The following METTL24 variants were observed in gnomAD, a reference collection of about 807,000 sequenced individuals.
METTL24 encodes probable methyltransferase-like protein 24.
A neutral mutation model predicts 32.7 loss-of-function variants in METTL24; 29 were observed. The ratio of observed to expected loss-of-function variants is 0.89; its 90% CI spans 0.66 to 1.21. The LOEUF (loss-of-function observed/expected upper bound fraction) is 1.21, where lower values mean the gene tolerates loss of function less well. Among genes scored for constraint, METTL24 ranks in the 50% most tolerant of loss-of-function variants. The pLI is 0.00. For synonymous variants in METTL24, 163 were observed against 179.5 expected, an observed-to-expected ratio of 0.91 and a Z score of 0.73; for missense variants, 439 against 468.1, an observed-to-expected ratio of 0.94 and a Z score of 0.57.
chr6:110,351,895 T>C (rs1189360559), intron 1 of METTL24, among the ~76,000 whole-genome samples: 1 of 152,244 alleles, frequency 6.6e-6, no homozygotes, highest in African/African-American at 2.4e-5. Flanking sequence ...TGGCAGTCAT[T>C]AACTCTTCCT....
chr6:110,270,772 C>A (rs1442389518), intron 4 of METTL24, among the ~76,000 whole-genome samples: 1 of 150,812 alleles, frequency 6.6e-6, no homozygotes, highest in Non-Finnish European at 1.5e-5. Context: ...TTAAAAGAGA[C>A]AAATGAGTTC....
intron 4 of METTL24, among the ~76,000 whole-genome samples, chr6:110,295,124 T>C (rs554215977): frequency 4.9e-4 from 73 of 147,782 alleles, no homozygotes; most frequent in African/African-American, 1.8e-3. Flanking sequence ...CTGGACTCAG[T>C]CAATCCTCCT....
chr6:110,282,616 G>C (rs905080587), intron 4 of METTL24, among the ~76,000 whole-genome samples: 5 of 152,058 alleles, frequency 3.3e-5, no homozygotes, highest in Non-Finnish European at 7.4e-5. Flanking sequence ...TGGGCACCAC[G>C]GCCCAATGCC....
intron 1 of METTL24, among the ~76,000 whole-genome samples, chr6:110,348,463 G>A (rs1469580068): frequency 6.6e-6 from 1 of 152,222 alleles, no homozygotes; most frequent in Non-Finnish European, 1.5e-5. Flanking sequence ...CGAAACTGCT[G>A]AAGGAAAAGG....
Position 110,299,169 on chromosome 6 carries a change from GA to G in METTL24, c.558-20del, listed in dbSNP as rs1308187694. The G allele has an allele frequency of 6.2e-7, 1 of 1,604,650 alleles. No homozygotes were observed. On this transcript the variant is annotated intron_variant, in intron 3 of 4. Coordinates refer to ENST00000338882, the MANE Select transcript of METTL24 (RefSeq NM_001123364.3). ...TCCTAGCCTATAAAGAAAGAGGACG[GA>G]AATCAACAACAAAAAATGCAATGAA...
chr6:110,300,218 T>C (rs1219174402), intron 3 of METTL24, among the ~76,000 whole-genome samples: 1 of 152,108 alleles, frequency 6.6e-6, no homozygotes, highest in African/African-American at 2.4e-5. Context: ...ATCTGTGAGT[T>C]CCACACCCAG....
intron 1 of METTL24, among the ~76,000 whole-genome samples, chr6:110,331,401 G>A (rs1003360561): frequency 6.6e-6 from 1 of 152,042 alleles, no homozygotes; most frequent in Admixed American, 6.5e-5. Context: ...GCACACACCT[G>A]CAGTCCCAGC....
chr6:110,338,332 T>C (rs1772281286), intron 1 of METTL24, among the ~76,000 whole-genome samples: 1 of 152,120 alleles, frequency 6.6e-6, no homozygotes, highest in African/African-American at 2.4e-5. Context: ...ACCCTATCTC[T>C]ACTAAAAATA....
At chr6:110,356,851 A>C (rs1427639407) in intron 1 of METTL24, among the ~76,000 whole-genome samples, 1 of 152,248 alleles carries the variant, frequency 6.6e-6, no homozygotes, top group Admixed American at 6.5e-5. Flanking sequence ...TGGCCCAGCA[A>C]GGAACAGCAG....
chr6:110,277,689 C>T (rs796200088), intron 4 of METTL24, among the ~76,000 whole-genome samples: 53 of 152,186 alleles, frequency 3.5e-4, no homozygotes, highest in African/African-American at 1.2e-3. Context: ...CCCAACAAAC[C>T]TTCTTCTACT....
chr6:110,251,589 T>A (rs890618384), intron 4 of METTL24, among the ~76,000 whole-genome samples: 1 of 152,204 alleles, frequency 6.6e-6, no homozygotes, highest in East Asian at 1.9e-4. Context: ...TTAGACTAAG[T>A]AATTTATAAA....
chr6:110,277,219 T>A (rs993723300), intron 4 of METTL24, among the ~76,000 whole-genome samples: 20 of 152,192 alleles, frequency 1.3e-4, no homozygotes, highest in African/African-American at 4.8e-4. Context: ...CTCATGAGAT[T>A]CGTTGCTATC....
intron 4 of METTL24, among the ~76,000 whole-genome samples, chr6:110,276,049 A>G (rs1342760403): frequency 6.6e-6 from 1 of 152,180 alleles, no homozygotes; most frequent in East Asian, 1.9e-4. Flanking sequence ...GCACACACCA[A>G]GCCATACACC....
At chr6:110,278,895 AC>A (rs1357975507) in intron 4 of METTL24, among the ~76,000 whole-genome samples, 1 of 152,070 alleles carries the variant, frequency 6.6e-6, no homozygotes, top group Admixed American at 6.6e-5. Flanking sequence ...GGTGGCATGC[AC>A]CTGTAGTACC....
rs1004909247 is a variant in METTL24 at position 110,295,840 on chromosome 6, A to AGGAAGGAAGGAAGGAAGGTT, written c.786+3081_786+3082insAACCTTCCTTCCTTCCTTCC. On this transcript the variant is annotated intron_variant, in intron 4 of 4. Coordinates refer to ENST00000338882, the MANE Select transcript of METTL24 (RefSeq NM_001123364.3). Reference sequence around the variant, plus strand: ...AAGGAAGGAAGGAAGGAAGGAAGGAAGGTTCTCTATAAAATGTACTAAAAT... The same window carrying AGGAAGGAAGGAAGGAAGGTT: ...AAGGAAGGAAGGAAGGAAGGAAGGAAGGAAGGAAGGAAGGAAGGTTGGTTCTCTATAAAATGTACTAAAAT... Among the ~76,000 whole-genome samples the AGGAAGGAAGGAAGGAAGGTT allele has an allele frequency of 2.7e-5, 4 of 147,332 alleles. No homozygotes were observed. In the South Asian group the frequency reaches 6.4e-4, roughly 23 times the overall value.
At chr6:110,251,537 G>A (rs1778278713) in intron 4 of METTL24, among the ~76,000 whole-genome samples, 1 of 152,190 alleles carries the variant, frequency 6.6e-6, no homozygotes, top group Non-Finnish European at 1.5e-5. Flanking sequence ...TAGTCTGCTA[G>A]GTCTGTGTCT....
At chr6:110,270,379 C>A (rs1770934077) in intron 4 of METTL24, among the ~76,000 whole-genome samples, 1 of 151,944 alleles carries the variant, frequency 6.6e-6, no homozygotes, top group African/African-American at 2.4e-5. Context: ...GGTGGGGGTT[C>A]CAATGGCATT....
At chr6:110,301,318 G>T (rs116975626) in intron 3 of METTL24, among the ~76,000 whole-genome samples, 2,463 of 152,250 alleles carry the variant, frequency 0.016, 33 homozygotes, top group Non-Finnish European at 0.023. Flanking sequence ...GATCTAATCT[G>T]GTGTGGCAGA....
intron 1 of METTL24, among the ~76,000 whole-genome samples, chr6:110,341,170 T>C (rs1268120987): frequency 6.6e-6 from 1 of 152,234 alleles, no homozygotes; most frequent in African/African-American, 2.4e-5. Flanking sequence ...GGCACTCTTT[T>C]CTCCTGTGTC....
Sources: gnomAD v4.1 joint callset for allele counts (sites outside exome capture counted in the v4.1 genomes callset) on GRCh38, gnomAD v4.1.1 for gene constraint, MANE v1.5 for transcripts, NCBI Gene and HGNC (gene_info 2026-07-23, HGNC 2026-07-21) for gene names.